Variants in JMY observed in about 807,000 individuals in gnomAD.
JMY encodes junction-mediating and -regulatory protein.
Under a neutral mutation model 103.3 loss-of-function variants are expected in JMY, and 46 were observed. That is an observed-to-expected ratio of 0.45 (90% CI 0.35 to 0.57). JMY has a LOEUF of 0.57. JMY is among the 20% of genes least tolerant of loss of function. The pLI is 0.00. For synonymous variants in JMY, 526 were observed against 489.3 expected (o/e 1.07, Z -0.99); for missense variants, 1,238 against 1,255.2 (o/e 0.99, Z 0.21).
chr5:79,321,131 G>A (rs1197595417), intron 10 of JMY, among the ~76,000 whole-genome samples: 2 of 152,190 alleles, frequency 1.3e-5, no homozygotes, highest in African/African-American at 4.8e-5. Context: ...TTTATCTGAA[G>A]AGTATGTCTT....
At chr5:79,290,552 A>G (rs1746388235) in intron 3 of JMY, among the ~76,000 whole-genome samples, 1 of 152,170 alleles carries the variant, frequency 6.6e-6, no homozygotes, top group African/African-American at 2.4e-5. Context: ...CTTTCCTGGA[A>G]ACTTTGAAAG....
rs533251101 is a variant in JMY at position 79,288,722 on chromosome 5, TTTTG to T, written c.1207-1379_1207-1376del. 3.4e-3 allele frequency among the ~76,000 whole-genome samples: 513 copies of T among 151,934 alleles called. 2 individuals are homozygous for T. The highest frequency in any genetic ancestry group is 0.011 in the African/African-American group (454 of 41,386). The stretch of plus-strand genomic sequence containing the variant: ...ATTCTTTTTGTTTTGTTTTGTTTTT[TTTTG>T]TTTGTTTGTTTGTTTGTTTTTAGTA... On this transcript the variant is annotated intron_variant, in intron 2 of 10. Transcript: ENST00000396137.
At chr5:79,285,480 A>T (rs1746241569) in intron 2 of JMY, among the ~76,000 whole-genome samples, 1 of 152,010 alleles carries the variant, frequency 6.6e-6, no homozygotes, top group Non-Finnish European at 1.5e-5. Flanking sequence ...ACTGTGAACT[A>T]GGTAGTGCCA....
intron 1 of JMY, among the ~76,000 whole-genome samples, chr5:79,257,139 C>G (rs1022655984): frequency 6.0e-5 from 9 of 151,018 alleles, no homozygotes; most frequent in Non-Finnish European, 1.2e-4. Context: ...GTGGTGCGAT[C>G]TCGGCTCACT....
At chr5:79,310,018 A>G (rs1373295582) in intron 7 of JMY, among the ~76,000 whole-genome samples, 3 of 150,610 alleles carry the variant, frequency 2.0e-5, no homozygotes, top group Non-Finnish European at 4.4e-5. Context: ...TTTGGGGGCA[A>G]CAGGAGTAAA....
chr5:79,242,384 T>TA (rs1161989029), intron 1 of JMY, among the ~76,000 whole-genome samples: 1 of 152,224 alleles, frequency 6.6e-6, no homozygotes, highest in Non-Finnish European at 1.5e-5. Flanking sequence ...GCCTGGCACT[T>TA]ACTAAAGAGG....
chr5:79,295,239 A>G (rs1746534487), intron 4 of JMY, among the ~76,000 whole-genome samples: 1 of 152,194 alleles, frequency 6.6e-6, no homozygotes, highest in African/African-American at 2.4e-5. Context: ...GTGGCTAATG[A>G]GCTTTTGAAA....
chr5:79,285,239 T>G (rs1746232978), intron 2 of JMY, among the ~76,000 whole-genome samples: 1 of 152,144 alleles, frequency 6.6e-6, no homozygotes. Flanking sequence ...CCAGGGCAAG[T>G]CTGTAGGTGC....
intron 1 of JMY, among the ~76,000 whole-genome samples, chr5:79,267,282 A>G (rs1561296254): frequency 6.6e-6 from 1 of 152,214 alleles, no homozygotes; most frequent in Non-Finnish European, 1.5e-5. Context: ...TGACAAATGC[A>G]TAATGTCCTG....
In JMY at chr5:79,252,290, A is replaced by G. The variant is rs556069559; in HGVS notation, c.1032+14608A>G. On this transcript the variant is annotated intron_variant, in intron 1 of 10. Transcript: ENST00000396137. ...GTTTCCATAATTCCTCTTGTTAGTG[A>G]TTTCTAGTTTATCTCATTTTGGTCA... 3.0e-5 allele frequency among the ~76,000 whole-genome samples: 4 copies of G among 135,524 alleles called. No individual in the cohort carries two copies. The Admixed American group carries it at 3.0e-4, about 10-fold the overall frequency. The allele number at this position is 135,524 out of a possible 152,430, so 88.9% of individuals were successfully genotyped here.
chr5:79,265,072 C>T (rs993303341), intron 1 of JMY, among the ~76,000 whole-genome samples: 1 of 152,012 alleles, frequency 6.6e-6, no homozygotes, highest in African/African-American at 2.4e-5. Flanking sequence ...ACTACAGGCG[C>T]CCGCCACCAT....
chr5:79,243,303 C>T (rs1365911700), intron 1 of JMY, among the ~76,000 whole-genome samples: 1 of 152,136 alleles, frequency 6.6e-6, no homozygotes, highest in African/African-American at 2.4e-5. Flanking sequence ...AACTCAAGCC[C>T]TGCTGAAACC....
intron 1 of JMY, among the ~76,000 whole-genome samples, chr5:79,261,868 G>A (rs757344877): frequency 2.0e-5 from 3 of 152,006 alleles, no homozygotes; most frequent in Non-Finnish European, 4.4e-5. Flanking sequence ...CAAGTGATCT[G>A]CCCGTCTAGG....
chr5:79,312,640 T>A (rs1171514894), intron 8 of JMY, 142 bp downstream of exon 8: 2 of 427,218 alleles, frequency 4.7e-6, no homozygotes, highest in South Asian at 9.6e-5. Context: ...AAGTCCTTTT[T>A]AAAATTGTTT....
Position 79,291,263 on chromosome 5 carries a change from A to T in JMY, c.1491A>T (p.Ile497=). ...ETLQMMRAKE[I]CLEQRKHALK... ...TGCAGATGATGAGAGCTAAAGAGAT[A>T]TGCTTGGAACAGCGGAAACATGCAC... Residue 497 remains isoleucine (I), a synonymous_variant, in exon 4 of 11, where the codon ATA becomes ATT. Coordinates refer to ENST00000396137, the MANE Select transcript of JMY (RefSeq NM_152405.5). 1 of 1,609,900 alleles carries T rather than the reference A, an allele frequency of 6.2e-7. No homozygotes were observed. The highest frequency in any genetic ancestry group is 1.1e-5 in the South Asian group (1 of 89,686).
intron 1 of JMY, among the ~76,000 whole-genome samples, chr5:79,254,565 C>T (rs1745182541): frequency 6.6e-6 from 1 of 152,088 alleles, no homozygotes; most frequent in South Asian, 2.1e-4. Context: ...TCTCTCACTT[C>T]TTTTAGGATC....
intron 6 of JMY, among the ~76,000 whole-genome samples, chr5:79,302,398 C>G (rs2112109086): frequency 6.6e-6 from 1 of 152,248 alleles, no homozygotes; most frequent in South Asian, 2.1e-4. Flanking sequence ...TCCTCCTAGT[C>G]TTTTAGAGAA....
In JMY at chr5:79,236,351, G is replaced by A. The variant is rs896697381; in HGVS notation, c.-300G>A. 4.2e-6 allele frequency: 1 copy of A among 238,940 alleles called. No homozygotes were observed. 14.8% of individuals were successfully genotyped at this position (238,940 alleles called of 1,614,324 possible). On this transcript the variant is annotated 5_prime_UTR_variant, in exon 1 of 11. Coordinates refer to ENST00000396137, the MANE Select transcript of JMY (RefSeq NM_152405.5). The stretch of plus-strand genomic sequence containing the variant: ...GCAGCTCCACGGCCTCGCGCGGGGG[G>A]CGGCGGGCGGCCGCGAGGCGCTGCG...
At chr5:79,277,802 C>G in intron 1 of JMY, 108 bp from the exon 2 acceptor site, 1 of 871,372 alleles carries the variant, frequency 1.1e-6, no homozygotes, top group Non-Finnish European at 1.7e-6. Context: ...CCTCTTGCTT[C>G]TGTGTTTTAG....
Sources: gnomAD v4.1 joint callset for allele counts (sites outside exome capture counted in the v4.1 genomes callset) on GRCh38, gnomAD v4.1.1 for gene constraint, MANE v1.5 for transcripts, NCBI Gene and HGNC (gene_info 2026-07-23, HGNC 2026-07-21) for gene names.